The following MYH3 variants were observed in gnomAD, a reference collection of about 807,000 sequenced individuals.
The protein encoded by MYH3 is myosin-3.
A neutral mutation model predicts 238.0 loss-of-function variants in MYH3; 130 were observed. The ratio of observed to expected loss-of-function variants is 0.55; its 90% CI spans 0.47 to 0.63. The LOEUF (loss-of-function observed/expected upper bound fraction) is 0.63. Ranked by LOEUF, MYH3 falls within the 30% of genes least tolerant of loss-of-function variation. MYH3 has a pLI of 0.00. For missense variants in MYH3, 1,853 were observed against 2,374.9 expected (o/e 0.78, Z 4.57); for synonymous variants, 880 against 924.1 (o/e 0.95, Z 0.86).
chr17:10,628,802 A>G, intron 40 of MYH3, 123 bp from the exon 41 acceptor site: 2 of 1,108,710 alleles, frequency 1.8e-6, no homozygotes, highest in Non-Finnish European at 2.8e-6. Flanking sequence ...TATTTTTTGG[A>G]CCTTGGGAAA....
chr17:10,641,640 G>A (rs570671509), intron 17 of MYH3, among the ~76,000 whole-genome samples: 103 of 150,954 alleles, frequency 6.8e-4, no homozygotes, highest in African/African-American at 2.5e-3. Context: ...TCAGCCTCCT[G>A]AGTAGCTGGG....
chr17:10,633,989 A>C (rs377483424), intron 32 of MYH3, 28 bp downstream of exon 32: 1 of 1,611,536 alleles, frequency 6.2e-7, no homozygotes, highest in East Asian at 2.2e-5. Flanking sequence ...TGAAAGGAGG[A>C]GGTTTCAGAG....
chr17:10,677,484 T>G, the MYH3 span: 1 of 152,330 alleles, frequency 6.6e-6, no homozygotes, highest in Non-Finnish European at 1.5e-5. Context: ...TTATGGATGA[T>G]TTGAAAATAT....
rs1378428588 is a variant in MYH3 at position 10,654,147 on chromosome 17, CTT to C, written c.204+712_204+713del. Among the ~76,000 whole-genome samples the C allele has an allele frequency of 2.5e-5, 2 of 78,716 alleles. No individual in the cohort carries two copies. The highest frequency in any genetic ancestry group is 1.1e-4 in the Admixed American group (1 of 8,704). 51.6% of individuals were successfully genotyped at this position (78,716 alleles called of 152,430 possible). A position where few individuals can be genotyped will look rare whatever the true frequency, so the allele number is the denominator to read the frequency against. ...CTTGTCTCTTTTATTTTCTTTCTTTCTTTCTCTTTCTTTCTTTCCTTCCTTCC... is the reference window on the plus strand; with the variant it reads ...CTTGTCTCTTTTATTTTCTTTCTTTCTCTCTTTCTTTCTTTCCTTCCTTCC... On this transcript the variant is annotated intron_variant, in intron 3 of 40. Transcript: ENST00000583535. The surrounding 1 kb of genome is among the most constrained non-coding windows in gnomAD (Gnocchi z 4.5).
chr17:10,670,089 T>C, the MYH3 span, among the ~76,000 whole-genome samples: 1 of 152,170 alleles, frequency 6.6e-6, no homozygotes, highest in African/African-American at 2.4e-5. This position sits in a 1 kb window ranked among gnomAD's most constrained non-coding sequence, Gnocchi z 7.0. Context: ...ACGTGTGACA[T>C]TCTCCAGGGG....
the MYH3 span, among the ~76,000 whole-genome samples, chr17:10,663,157 C>T: frequency 0.2 from 31,074 of 152,022 alleles, 3,427 homozygotes; most frequent in Non-Finnish European, 0.25. Context: ...GGACATTTTA[C>T]GTGCCAGACA....
At chr17:10,659,620 TGAG>T (rs2074466110), upstream of MYH3, among the ~76,000 whole-genome samples, 1 of 152,212 alleles carries the variant, frequency 6.6e-6, no homozygotes, top group Non-Finnish European at 1.5e-5. Flanking sequence ...TCTGTAGGGC[TGAG>T]AAGAGGAAGA....
rs755136808 is a variant in MYH3 at position 10,631,875 on chromosome 17, G to A, written c.5098C>T (p.Arg1700Trp). The A allele has an allele frequency of 2.2e-5, 35 of 1,614,052 alleles. 1 individual carries two copies. In the South Asian group the frequency reaches 3.1e-4, roughly 14 times the overall value. ...AGGAGCTCCTGTTCCGCCAGTTTCC[G>A]GGCCCTCTCCGTCTGCTCCAGAGTA... is the stretch of plus-strand genomic sequence containing the variant. ...RATLEQTERA[R>W]KLAEQELLDS... The change falls in exon 35 of 41, where the codon CGG becomes TGG. Residue 1700 changes from arginine to tryptophan, a missense_variant. Transcript: ENST00000583535.
chr17:10,649,330 C>T (rs1424001567), intron 7 of MYH3, among the ~76,000 whole-genome samples: 1 of 152,232 alleles, frequency 6.6e-6, no homozygotes, highest in Non-Finnish European at 1.5e-5. Flanking sequence ...TCTGAGCCGT[C>T]TGCAGATTGA....
At chr17:10,674,256 A>C in the MYH3 span, 74,272 of 161,222 alleles carry the variant, frequency 0.46, 17,277 homozygotes, top group Non-Finnish European at 0.47. Context: ...TTCTACTAAA[A>C]ATACAAAAAT....
chr17:10,632,106 GTTTGTT>G, intron 34 of MYH3, 90 bp from the exon 35 acceptor site: 1 of 1,418,680 alleles, frequency 7.0e-7, no homozygotes, highest in Admixed American at 2.1e-5. Context: ...TTGTTTGTTT[GTTTGTT>G]TTTGTTTTGT....
At position 10,640,679 on chromosome 17, in the gene MYH3, C is replaced by G; in HGVS notation, c.2173G>C (p.Val725Leu). The change falls in exon 20 of 41, where the codon GTG becomes CTG. Residue 725 changes from valine (V) to leucine (L), a missense_variant. Coordinates refer to ENST00000583535, the MANE Select transcript of MYH3 (RefSeq NM_002470.4). Reference sequence around the variant, plus strand: ...TCAGGGATTGCACTGGCATTCAGCACTCGGTATCTGCATTGTAGACATGGA... The same window carrying G: ...TCAGGGATTGCACTGGCATTCAGCAGTCGGTATCTGCATTGTAGACATGGA... ...LYGDFKQRYR[V>L]LNASAIPEGQ... 6.2e-7 allele frequency: 1 copy of G among 1,614,134 alleles called. No homozygotes were observed. Among genetic ancestry groups the G allele is most frequent in the South Asian group, 1.1e-5 (1 of 91,084 alleles).
rs756851580 is a variant in MYH3, at chr17:10,633,574, T to G, written c.4647+17A>C. 2.5e-6 allele frequency: 4 copies of G among 1,612,138 alleles called. No individual in the cohort carries two copies. In the South Asian group the frequency reaches 4.4e-5, roughly 18 times the overall value. The stretch of plus-strand genomic sequence containing the variant: ...CCATGGCTGCATCTGCGCCTGAGCC[T>G]GCCTCCCAGCACTCACCTCTGCTTC... On this transcript the variant is annotated intron_variant, in intron 33 of 40. Transcript: ENST00000583535.
chr17:10,634,983 C>A lies in MYH3; in HGVS notation c.4213G>T (p.Val1405Phe). 9 of 1,614,152 alleles carry A rather than the reference C, an allele frequency of 5.6e-6. No homozygotes were observed. Among genetic ancestry groups the A allele is most frequent in the Non-Finnish European group, 6.8e-6 (8 of 1,180,038 alleles). The change falls in exon 31 of 41, where the codon GTT becomes TTT. Residue 1405 changes from valine (V) to phenylalanine (F), a missense_variant. This residue lies in a region of MYH3 where 1,044 missense variants were observed against 1,192.6 expected (regional missense o/e 0.88). Transcript: ENST00000583535. ...GCACATTTAGCATTCACTGCCTCAA[C>A]CTGTTCCTCGGAATCTTGAAGGCGC... ...AQRLQDSEEQ[V>F]EAVNAKCASL...
rs149346904 is a variant in MYH3, at chr17:10,644,479, G to A, written c.1282C>T (p.Leu428Phe). ...AACTTTTCATAAACTGATTTTGAAA[G>A]AGCATTCACAGCATGGTGAACCTAT... ...VDQVHHAVNA[L>F]SKSVYEKLFL... Residue 428 changes from leucine to phenylalanine, a missense_variant, in exon 14 of 41, where the codon CTT (leucine) becomes TTT (phenylalanine). By Grantham distance (22) the Leu-to-Phe change is conservative. This residue lies in a region of MYH3 where 678 missense variants were observed against 1,058.9 expected (regional missense o/e 0.64). Coordinates refer to ENST00000583535, the MANE Select transcript of MYH3 (RefSeq NM_002470.4). 3.7e-6 allele frequency: 6 copies of A among 1,614,108 alleles called. No individual in the cohort carries two copies. The highest frequency in any genetic ancestry group is 5.1e-6 in the Non-Finnish European group (6 of 1,180,036).
rs191837780 is a variant in MYH3 at position 10,651,605 on chromosome 17, C to T, written c.412G>A (p.Glu138Lys). 2.9e-4 allele frequency: 473 copies of T among 1,614,050 alleles called. 5 individuals carry two copies. The East Asian group carries it at 6.5e-3, about 22-fold the overall frequency. The change falls in exon 5 of 41, where the codon GAG (glutamate) becomes AAG (lysine). Residue 138 changes from glutamate (E) to lysine (K), a missense_variant. Physicochemically the swap from Glu to Lys is moderately conservative, Grantham distance 56. Transcript: ENST00000583535. ...TTGCCTCGGTAGCCTTCCACCACCT[C>T]GGGGTTGTACACCGGCAGCCACTTG... ...PYKWLPVYNP[E>K]VVEGYRGKKR...
At chr17:10,643,166 T>G (rs1355734332) in intron 14 of MYH3, among the ~76,000 whole-genome samples, 170 bp from the exon 15 acceptor site, 11 of 152,204 alleles carry the variant, frequency 7.2e-5, no homozygotes, top group Non-Finnish European at 1.5e-4. Flanking sequence ...TGGCGTCTTC[T>G]GTAAACTTCC....
Position 10,640,568 on chromosome 17 carries a change from T to A in MYH3, c.2284A>T (p.Thr762Ser). 1 of 1,614,278 alleles carries A rather than the reference T, an allele frequency of 6.2e-7. No homozygotes were observed. Among genetic ancestry groups the A allele is most frequent in the Non-Finnish European group, 8.5e-7 (1 of 1,180,044 alleles). ...IDHTQYKFGH[T>S]KVFFKAGLLG... ...TGTCAGAACTGATGCATTACCTTGGTATGTCCAAATTTGTACTGAGTGTGG... is the reference window on the plus strand; with the variant it reads ...TGTCAGAACTGATGCATTACCTTGGAATGTCCAAATTTGTACTGAGTGTGG... The change falls in exon 20 of 41, where the codon ACC becomes TCC. Residue 762 changes from threonine (T) to serine (S), a missense_variant. Physicochemically the swap from Thr to Ser is moderately conservative, Grantham distance 58 (BLOSUM62 1). This residue lies in a region of MYH3 where 678 missense variants were observed against 1,058.9 expected (regional missense o/e 0.64). Transcript: ENST00000583535.
At chr17:10,658,175 A>C (rs1311623120), upstream of MYH3, among the ~76,000 whole-genome samples, 4 of 152,242 alleles carry the variant, frequency 2.6e-5, no homozygotes, top group African/African-American at 9.6e-5. Flanking sequence ...AAATGTGGTC[A>C]TCTCTAAATC....
Sources: allele counts gnomAD v4.1 joint callset (sites outside exome capture counted in the v4.1 genomes callset), GRCh38; gene constraint gnomAD v4.1.1; regional missense constraint gnomAD v4.1.1; non-coding constraint Gnocchi (gnomAD v3.1); transcripts MANE v1.5; gene names NCBI Gene and HGNC (gene_info 2026-07-23, HGNC 2026-07-21).